CAMTA1: variants seen among roughly 807,000 people sequenced by gnomAD.
The protein encoded by CAMTA1 is calmodulin-binding transcription activator 1.
Under a neutral mutation model 170.9 loss-of-function variants are expected in CAMTA1, and 27 were observed. The ratio of observed to expected loss-of-function variants is 0.16; its 90% CI spans 0.12 to 0.22. The LOEUF is 0.22. Ranked by LOEUF, CAMTA1 falls within the 10% of genes least tolerant of loss-of-function variation. CAMTA1 has a pLI of 1.00. For synonymous variants in CAMTA1, 833 were observed against 891.5 expected, an observed-to-expected ratio of 0.93 and a Z score of 1.17; for missense variants, 1,619 against 2,217.2, an observed-to-expected ratio of 0.73 and a Z score of 5.42.
chr1:7,415,809 T>G (rs1253870272), intron 5 of CAMTA1, among the ~76,000 whole-genome samples: 1 of 152,236 alleles, frequency 6.6e-6, no homozygotes, highest in African/African-American at 2.4e-5. Context: ...ATTATGATGT[T>G]AGCTGGTTAT....
At chr1:7,227,976 G>T (rs1662022259) in intron 4 of CAMTA1, among the ~76,000 whole-genome samples, 1 of 152,242 alleles carries the variant, frequency 6.6e-6, no homozygotes, top group Non-Finnish European at 1.5e-5. Context: ...GTTGTCGCCA[G>T]GCTTTGCACT....
At chr1:7,606,414 A>T (rs143335882) in intron 6 of CAMTA1, among the ~76,000 whole-genome samples, 1 of 152,328 alleles carries the variant, frequency 6.6e-6, no homozygotes, top group East Asian at 1.9e-4. Context: ...TCGTGCTTTT[A>T]TCTTTTCTTG....
intron 3 of CAMTA1, among the ~76,000 whole-genome samples, chr1:6,907,413 A>G (rs1475654170): frequency 6.6e-6 from 1 of 152,030 alleles, no homozygotes; most frequent in South Asian, 2.1e-4. Context: ...CGCAGGGTGC[A>G]TGCAGAGGTT....
intron 6 of CAMTA1, among the ~76,000 whole-genome samples, chr1:7,544,487 G>T (rs564936456): frequency 6.6e-6 from 1 of 152,296 alleles, no homozygotes; most frequent in East Asian, 1.9e-4. Flanking sequence ...CTTTGTGCCA[G>T]GTCTCACCCT....
At chr1:7,677,555 G>A in intron 10 of CAMTA1, 44 bp from the exon 11 acceptor site, 1 of 1,596,124 alleles carries the variant, frequency 6.3e-7, no homozygotes, top group Non-Finnish European at 8.5e-7. Flanking sequence ...CAGGCTGTAG[G>A]TACCCACCCA....
chr1:7,536,677 C>A (rs1308695210), intron 6 of CAMTA1, among the ~76,000 whole-genome samples: 1 of 152,154 alleles, frequency 6.6e-6, no homozygotes, highest in Non-Finnish European at 1.5e-5. Flanking sequence ...GGGCTGCCTC[C>A]ATGGTGCACT....
At chr1:7,094,627 C>A (rs934482876) in intron 4 of CAMTA1, among the ~76,000 whole-genome samples, 1 of 152,108 alleles carries the variant, frequency 6.6e-6, no homozygotes, top group South Asian at 2.1e-4. Context: ...ATAGTCCTTG[C>A]TCAGATACTG....
intron 5 of CAMTA1, among the ~76,000 whole-genome samples, chr1:7,466,425 C>A (rs1430794082): frequency 6.6e-6 from 1 of 152,198 alleles, no homozygotes; most frequent in African/African-American, 2.4e-5. Flanking sequence ...CAGCCAGAAT[C>A]GCATAGTCCA....
At chr1:7,495,572 G>T (rs1237893559) in intron 6 of CAMTA1, among the ~76,000 whole-genome samples, 1 of 152,204 alleles carries the variant, frequency 6.6e-6, no homozygotes, top group Non-Finnish European at 1.5e-5. Flanking sequence ...GGGTTGTCAG[G>T]ACTCTTGATG....
chr1:7,441,142 T>C (rs2149407903), intron 5 of CAMTA1: 1 of 152,362 alleles, frequency 6.6e-6, no homozygotes, highest in South Asian at 2.1e-4. Context: ...TGTGGAGTTT[T>C]CTACTTCTGT....
chr1:6,834,495 AC>A lies in CAMTA1; in HGVS notation c.234+9286del, dbSNP rs1224459477. On this transcript the variant is annotated intron_variant, in intron 3 of 22. Transcript: ENST00000303635. The stretch of plus-strand genomic sequence containing the variant: ...GCACTCCAGTTATACGTCCTCCTGC[AC>A]TTGGCGGGGTAGCCACATTTGCCAC... The A allele has an allele frequency of 1.6e-5, 4 of 258,046 alleles. 1 individual carries two copies. Among genetic ancestry groups the A allele is most frequent in the South Asian group, 1.1e-4 (2 of 18,226 alleles). The allele number at this position is 258,046 out of a possible 1,614,324, so 16.0% of individuals were successfully genotyped here. A position where few individuals can be genotyped will look rare whatever the true frequency, so the allele number is the denominator to read the frequency against.
At chr1:6,863,920 G>C (rs551059342) in intron 3 of CAMTA1, among the ~76,000 whole-genome samples, 16 of 152,242 alleles carry the variant, frequency 1.1e-4, no homozygotes, top group African/African-American at 3.1e-4. Flanking sequence ...CAGTTTGTTA[G>C]ATTTCTTCTT....
At chr1:7,492,993 G>A (rs1019769198) in intron 6 of CAMTA1, among the ~76,000 whole-genome samples, 8 of 124,618 alleles carry the variant, frequency 6.4e-5, no homozygotes, top group South Asian at 5.4e-4. Flanking sequence ...ACATACAAAC[G>A]CGCACACAAA....
At chr1:6,804,052 C>T (rs1644215356) in intron 1 of CAMTA1, among the ~76,000 whole-genome samples, 1 of 151,832 alleles carries the variant, frequency 6.6e-6, no homozygotes, top group Non-Finnish European at 1.5e-5. Flanking sequence ...GGCATGGTGG[C>T]GGGTGCCAGT....
At chr1:6,789,547 AAGC>A (rs1640421770) in intron 1 of CAMTA1, among the ~76,000 whole-genome samples, 1 of 152,148 alleles carries the variant, frequency 6.6e-6, no homozygotes, top group African/African-American at 2.4e-5. Flanking sequence ...CTTATGGAAA[AAGC>A]AGTAGAAGGT....
At chr1:7,507,692 C>T (rs1007912040) in intron 6 of CAMTA1, among the ~76,000 whole-genome samples, 3 of 152,222 alleles carry the variant, frequency 2.0e-5, no homozygotes, top group Non-Finnish European at 2.9e-5. Flanking sequence ...GGTAGGGGCC[C>T]AGGCCCCAGG....
intron 11 of CAMTA1, among the ~76,000 whole-genome samples, chr1:7,697,150 G>C (rs2096385022): frequency 6.6e-6 from 1 of 152,204 alleles, no homozygotes; most frequent in East Asian, 1.9e-4. Context: ...AGCATAGGGA[G>C]GAAAGTGGCA....
At position 6,988,639 on chromosome 1, in the gene CAMTA1, A is replaced by G. The variant is rs539453327; in HGVS notation, c.235-102665A>G. 8.9e-4 allele frequency among the ~76,000 whole-genome samples: 128 copies of G among 144,192 alleles called. 1 individual carries two copies. The highest frequency in any genetic ancestry group is 3.2e-3 in the African/African-American group (126 of 38,978). The allele number at this position is 144,192 out of a possible 152,430, so 94.6% of individuals were successfully genotyped here. A position where few individuals can be genotyped will look rare whatever the true frequency, so the allele number is the denominator to read the frequency against. The stretch of plus-strand genomic sequence containing the variant: ...TGCGCCACGGCAGTTGGCTTTCTCC[A>G]TCCTTCAGGTTGCTTTGTCGGAAAT... On this transcript the variant is annotated intron_variant, in intron 3 of 22. Coordinates refer to ENST00000303635, the MANE Select transcript of CAMTA1 (RefSeq NM_015215.4).
At position 7,122,830 on chromosome 1, in the gene CAMTA1, C is replaced by T. The variant is rs576862618; in HGVS notation, c.302+31459C>T. On this transcript the variant is annotated intron_variant, in intron 4 of 22. Coordinates refer to ENST00000303635, the MANE Select transcript of CAMTA1 (RefSeq NM_015215.4). Reference sequence around the variant, plus strand: ...GTCGCCCGAGTCTCCTCTCTCCCTCCATCACACCTGCCTGGATGCTCTTCT... The same window carrying T: ...GTCGCCCGAGTCTCCTCTCTCCCTCTATCACACCTGCCTGGATGCTCTTCT... Among the ~76,000 whole-genome samples, 7 of 152,314 alleles carry T rather than the reference C, an allele frequency of 4.6e-5. 1 individual carries two copies. The South Asian group carries it at 1.5e-3, about 32-fold the overall frequency.
Sources: gnomAD v4.1 joint callset for allele counts (sites outside exome capture counted in the v4.1 genomes callset) on GRCh38, gnomAD v4.1.1 for gene constraint, MANE v1.5 for transcripts, NCBI Gene and HGNC (gene_info 2026-07-23, HGNC 2026-07-21) for gene names.